The following TAFA1 variants were observed in gnomAD, a reference collection of about 807,000 sequenced individuals.
The protein encoded by TAFA1 is TAFA chemokine like family member 1.
A neutral mutation model predicts 18.5 loss-of-function variants in TAFA1; 4 were observed. That is an observed-to-expected ratio of 0.22 (90% CI 0.11 to 0.49). TAFA1 has a LOEUF of 0.49. TAFA1 is among the 20% of genes least tolerant of loss of function. The probability of loss-of-function intolerance (pLI) is 0.98; values close to 1 mark genes in which losing one functional copy is unlikely to be tolerated. For missense variants in TAFA1, 147 were observed against 169.0 expected (o/e 0.87, Z 0.72); for synonymous variants, 56 against 55.2 (o/e 1.01, Z -0.06).
intron 2 of TAFA1, among the ~76,000 whole-genome samples, chr3:68,399,773 A>G (rs2070453468): frequency 6.6e-6 from 1 of 152,166 alleles, no homozygotes; most frequent in Non-Finnish European, 1.5e-5. Flanking sequence ...CATAGTTGGA[A>G]CACTAAAACT....
intron 2 of TAFA1, among the ~76,000 whole-genome samples, chr3:68,416,977 G>T (rs962263307): frequency 1.3e-5 from 2 of 152,184 alleles, no homozygotes; most frequent in East Asian, 3.9e-4. Context: ...TTTAAATCAG[G>T]CAGCATCTTT....
intron 2 of TAFA1, among the ~76,000 whole-genome samples, chr3:68,373,870 C>G (rs2069759920): frequency 6.6e-6 from 1 of 152,204 alleles, no homozygotes; most frequent in Non-Finnish European, 1.5e-5. Context: ...TTTGTTAGGA[C>G]TCCCTTTCAT....
chr3:68,288,904 A>G (rs1406730941), intron 2 of TAFA1, among the ~76,000 whole-genome samples: 1 of 152,230 alleles, frequency 6.6e-6, no homozygotes, highest in East Asian at 1.9e-4. Flanking sequence ...AAAAATGACT[A>G]GCTTTGTGAA....
intron 2 of TAFA1, among the ~76,000 whole-genome samples, chr3:68,394,362 A>C (rs2070332257): frequency 6.6e-6 from 1 of 152,218 alleles, no homozygotes; most frequent in African/African-American, 2.4e-5. Flanking sequence ...ATATCGTGAA[A>C]ATGGCCATGC....
At chr3:68,107,014 A>T (rs2065211827) in intron 2 of TAFA1, among the ~76,000 whole-genome samples, 1 of 152,192 alleles carries the variant, frequency 6.6e-6, no homozygotes, top group Non-Finnish European at 1.5e-5. Context: ...TTTGAAAAAC[A>T]GTTTGGCAGT....
chr3:68,324,411 C>T (rs968997348), intron 2 of TAFA1, among the ~76,000 whole-genome samples: 2 of 152,038 alleles, frequency 1.3e-5, no homozygotes, highest in East Asian at 1.9e-4. Flanking sequence ...CAAAAAGCCC[C>T]GAAGCATACT....
At chr3:68,131,216 T>G (rs2065532355) in intron 2 of TAFA1, among the ~76,000 whole-genome samples, 2 of 152,186 alleles carry the variant, frequency 1.3e-5, no homozygotes, top group Admixed American at 1.3e-4. Context: ...TTTGCACTTA[T>G]CAGTGACTCT....
intron 3 of TAFA1, among the ~76,000 whole-genome samples, chr3:68,503,045 A>G (rs747305301): frequency 3.9e-5 from 6 of 152,190 alleles, no homozygotes; most frequent in Non-Finnish European, 8.8e-5. Context: ...CCAAAAATCC[A>G]TAATCTGACC....
chr3:68,195,693 G>A (rs1181917451), intron 2 of TAFA1, among the ~76,000 whole-genome samples: 1 of 151,596 alleles, frequency 6.6e-6, no homozygotes, highest in East Asian at 1.9e-4. Flanking sequence ...GAGAAATCCT[G>A]TTTTCAGCCA....
chr3:68,476,560 T>G (rs2072100321), intron 3 of TAFA1, among the ~76,000 whole-genome samples: 1 of 152,204 alleles, frequency 6.6e-6, no homozygotes, highest in South Asian at 2.1e-4. Flanking sequence ...TTTCACATGA[T>G]TAAAGAAGCC....
intron 2 of TAFA1, among the ~76,000 whole-genome samples, chr3:68,312,832 T>C (rs2068543031): frequency 6.6e-6 from 1 of 152,210 alleles, no homozygotes; most frequent in Admixed American, 6.5e-5. Context: ...ATTGTATTAG[T>C]CCATTTTCAT....
intron 2 of TAFA1, among the ~76,000 whole-genome samples, chr3:68,329,974 A>C (rs780784474): frequency 6.6e-6 from 1 of 151,476 alleles, no homozygotes; most frequent in African/African-American, 2.4e-5. Context: ...ACATAAGTAC[A>C]TGCATACACA....
At chr3:68,532,361 A>G (rs2106776865) in intron 3 of TAFA1, among the ~76,000 whole-genome samples, 1 of 152,310 alleles carries the variant, frequency 6.6e-6, no homozygotes, top group South Asian at 2.1e-4. Context: ...CTCAGAAAGA[A>G]TAAATGGTAG....
At chr3:68,301,374 A>G (rs974495507) in intron 2 of TAFA1, among the ~76,000 whole-genome samples, 6 of 152,174 alleles carry the variant, frequency 3.9e-5, no homozygotes, top group African/African-American at 1.2e-4. Context: ...AATTCTTTTT[A>G]TAGGTGCATA....
chr3:68,379,125 C>T (rs77873168), intron 2 of TAFA1, among the ~76,000 whole-genome samples: 3 of 152,192 alleles, frequency 2.0e-5, no homozygotes, highest in Non-Finnish European at 2.9e-5. Context: ...ACACTCCCAC[C>T]AACAGAGTAT....
chr3:68,130,321 C>G (rs571144062), intron 2 of TAFA1, among the ~76,000 whole-genome samples: 13 of 152,166 alleles, frequency 8.5e-5, no homozygotes, highest in Non-Finnish European at 1.9e-4. Flanking sequence ...CAGTTTGCTG[C>G]GGACATTTGG....
chr3:68,248,625 A>C (rs2067130541), intron 2 of TAFA1, among the ~76,000 whole-genome samples: 1 of 151,346 alleles, frequency 6.6e-6, no homozygotes, highest in Non-Finnish European at 1.5e-5. Flanking sequence ...GATGCACCTG[A>C]ATGTGTGTTC....
chr3:68,322,085 CA>C (rs2068704537), intron 2 of TAFA1, among the ~76,000 whole-genome samples: 1 of 152,078 alleles, frequency 6.6e-6, no homozygotes, highest in South Asian at 2.1e-4. Flanking sequence ...AATTTTAAAC[CA>C]AACTAGGCCT....
chr3:68,422,535 G>T (rs989576031), intron 3 of TAFA1, among the ~76,000 whole-genome samples: 2 of 152,060 alleles, frequency 1.3e-5, no homozygotes, highest in African/African-American at 4.8e-5. Context: ...CATTTTAAAA[G>T]AAGCATATAT....
Sources: allele counts gnomAD v4.1 joint callset (sites outside exome capture counted in the v4.1 genomes callset), GRCh38; gene constraint gnomAD v4.1.1; transcripts MANE v1.5; gene names NCBI Gene and HGNC (gene_info 2026-07-23, HGNC 2026-07-21).